Variants in TIAM1 observed in about 807,000 individuals in gnomAD.
TIAM1 encodes rho guanine nucleotide exchange factor TIAM1.
Under a neutral mutation model 163.5 loss-of-function variants are expected in TIAM1, and 65 were observed. The ratio of observed to expected loss-of-function variants is 0.40; its 90% CI spans 0.33 to 0.49. The LOEUF (loss-of-function observed/expected upper bound fraction) is 0.49. Among genes scored for constraint, TIAM1 ranks in the 20% least tolerant of loss-of-function variants. TIAM1 has a pLI of 0.77. For missense variants in TIAM1, 1,789 were observed against 2,044.7 expected, an observed-to-expected ratio of 0.87 and a Z score of 2.41; for synonymous variants, 833 against 810.1, an observed-to-expected ratio of 1.03 and a Z score of -0.48.
rs961455669 is a variant in TIAM1 at position 31,395,032 on chromosome 21, G to A, written c.-368-55610C>T. Among the ~76,000 whole-genome samples the A allele has an allele frequency of 2.0e-5, 3 of 152,104 alleles. No individual in the cohort carries two copies. The highest frequency in any genetic ancestry group is 4.4e-5 in the Non-Finnish European group (3 of 68,008). On this transcript the variant is annotated intron_variant, in intron 2 of 28. Transcript: ENST00000286827. This position sits in a 1 kb window ranked among gnomAD's most constrained non-coding sequence, Gnocchi z 7.5. ...GTGGGTGGATCACTTGAGGTCAGAA[G>A]TTCAAGACCAGCCTGGCCAACACAG...
intron 5 of TIAM1, among the ~76,000 whole-genome samples, chr21:31,246,399 G>A (rs917166717): frequency 1.3e-5 from 2 of 152,156 alleles, no homozygotes; most frequent in African/African-American, 4.8e-5. Context: ...GGCTTCCATA[G>A]ACTCCTTCCA....
At chr21:31,489,006 G>GAA (rs35813534) in intron 1 of TIAM1, among the ~76,000 whole-genome samples, 50,264 of 148,308 alleles carry the variant, frequency 0.34, 8,798 homozygotes, top group African/African-American at 0.39. Flanking sequence ...GCTACAATCA[G>GAA]AAAAAAAAAA....
chr21:31,387,174 T>C (rs1006616449), intron 2 of TIAM1, among the ~76,000 whole-genome samples: 2 of 150,782 alleles, frequency 1.3e-5, no homozygotes, highest in African/African-American at 4.9e-5. Flanking sequence ...TACAGGGCTT[T>C]TGTTTGTAGA....
intron 14 of TIAM1, among the ~76,000 whole-genome samples, chr21:31,185,258 C>G (rs968060532): frequency 6.6e-6 from 1 of 151,550 alleles, no homozygotes; most frequent in Non-Finnish European, 1.5e-5. Context: ...TATAGTGGGT[C>G]GAATAGAGTC....
At chr21:31,349,800 C>G (rs1569254831) in intron 2 of TIAM1, among the ~76,000 whole-genome samples, 1 of 152,144 alleles carries the variant, frequency 6.6e-6, no homozygotes, top group East Asian at 1.9e-4. Flanking sequence ...CAGGGTCCAG[C>G]GACAACCAGA....
chr21:31,436,717 G>A (rs146837915), intron 2 of TIAM1, among the ~76,000 whole-genome samples: 1 of 152,154 alleles, frequency 6.6e-6, no homozygotes, highest in East Asian at 1.9e-4. Flanking sequence ...CAGCACTTTG[G>A]GAGGCCAATG....
rs5843517 is a variant in TIAM1 at position 31,410,517 on chromosome 21, G to GAT, written c.-369+53465_-369+53466insAT. 2.0e-5 allele frequency among the ~76,000 whole-genome samples: 3 copies of GAT among 151,872 alleles called. No individual in the cohort carries two copies. In the South Asian group the frequency reaches 6.2e-4, roughly 31 times the overall value. The stretch of plus-strand genomic sequence containing the variant: ...TGTGATAGTGTGTATGTGTATGTGA[G>GAT]AGTGCATGAGACTGAGTTTATGTAT... On this transcript the variant is annotated intron_variant, in intron 2 of 28. Transcript: ENST00000286827.
chr21:31,207,601 C>A (rs2086521002), intron 11 of TIAM1, among the ~76,000 whole-genome samples: 1 of 152,116 alleles, frequency 6.6e-6, no homozygotes, highest in Non-Finnish European at 1.5e-5. Flanking sequence ...CCACTAATTA[C>A]AATAAGGTGT....
intron 1 of TIAM1, among the ~76,000 whole-genome samples, chr21:31,476,453 G>A (rs973802290): frequency 2.0e-5 from 3 of 152,240 alleles, no homozygotes; most frequent in Admixed American, 1.3e-4. Context: ...TTGAAAGAAC[G>A]ATCTGGGTTG....
chr21:31,442,176 A>G (rs2044458354), intron 2 of TIAM1, among the ~76,000 whole-genome samples: 1 of 147,746 alleles, frequency 6.8e-6, no homozygotes, highest in Non-Finnish European at 1.5e-5. Flanking sequence ...CCAAGGAGTG[A>G]AGCTGAGAGG....
intron 1 of TIAM1, among the ~76,000 whole-genome samples, chr21:31,511,823 C>T (rs1289324878): frequency 6.6e-6 from 1 of 152,206 alleles, no homozygotes; most frequent in Admixed American, 6.5e-5. Context: ...CCCAAACTTA[C>T]ACCTCGTTGC....
intron 2 of TIAM1, among the ~76,000 whole-genome samples, chr21:31,428,477 C>T (rs150205917): frequency 6.6e-6 from 1 of 152,238 alleles, no homozygotes; most frequent in East Asian, 1.9e-4. Context: ...GGTTCAAAGC[C>T]ACTAATGTTT....
At chr21:31,212,560 A>G (rs1569037482) in intron 10 of TIAM1, 1 of 151,204 alleles carries the variant, frequency 6.6e-6, no homozygotes, top group African/African-American at 2.4e-5. Context: ...GCAGTTTGAA[A>G]GCCCCTGTTT....
chr21:31,468,049 A>G (rs1023923325), intron 1 of TIAM1, among the ~76,000 whole-genome samples: 1 of 149,056 alleles, frequency 6.7e-6, no homozygotes, highest in African/African-American at 2.5e-5. Context: ...TCATCACACC[A>G]TTGCACTCCA....
chr21:31,287,694 T>C (rs534788846), intron 2 of TIAM1, among the ~76,000 whole-genome samples: 4 of 152,230 alleles, frequency 2.6e-5, no homozygotes, highest in Non-Finnish European at 5.9e-5. Context: ...ATTAGCCCAA[T>C]GTTGCAGTGA....
At chr21:31,472,049 T>C (rs1310882619) in intron 1 of TIAM1, among the ~76,000 whole-genome samples, 2 of 151,984 alleles carry the variant, frequency 1.3e-5, no homozygotes, top group Admixed American at 1.3e-4. Context: ...ACAAGGCTGT[T>C]GTGGTTAAGA....
At chr21:31,509,335 G>A (rs567307756) in intron 1 of TIAM1, among the ~76,000 whole-genome samples, 6 of 152,140 alleles carry the variant, frequency 3.9e-5, no homozygotes, top group Middle Eastern at 3.2e-3. Flanking sequence ...GAAAAAGGAA[G>A]CAGACATCCC....
intron 3 of TIAM1, among the ~76,000 whole-genome samples, chr21:31,267,749 A>G (rs1336039519): frequency 2.0e-5 from 3 of 152,166 alleles, no homozygotes; most frequent in Admixed American, 1.3e-4. Context: ...ATAGAAAAAA[A>G]TAGAAACTCC....
intron 9 of TIAM1, among the ~76,000 whole-genome samples, chr21:31,213,706 G>A (rs565907846): frequency 6.6e-6 from 1 of 151,716 alleles, no homozygotes; most frequent in Non-Finnish European, 1.5e-5. Context: ...AAAAAAGTTT[G>A]CTCTCAAATA....
Sources: allele counts gnomAD v4.1 joint callset (sites outside exome capture counted in the v4.1 genomes callset), GRCh38; gene constraint gnomAD v4.1.1; non-coding constraint Gnocchi (gnomAD v3.1); transcripts MANE v1.5; gene names NCBI Gene and HGNC (gene_info 2026-07-23, HGNC 2026-07-21).